Variants in AP2A1 observed in about 807,000 individuals in gnomAD.
AP2A1 encodes the protein adaptor related protein complex 2 subunit alpha 1, also known as AP-2 complex subunit alpha-1.
AP2A1 carries 21 observed loss-of-function variants against 107.3 expected under a neutral mutation model. The observed-to-expected ratio is 0.20, with a 90% confidence interval of 0.14 to 0.28. The LOEUF is 0.28. Among genes scored for constraint, AP2A1 ranks in the 10% least tolerant of loss-of-function variants. AP2A1 has a pLI of 1.00. For synonymous variants in AP2A1, 602 were observed against 564.8 expected (o/e 1.07, Z -0.93); for missense variants, 873 against 1,307.7 (o/e 0.67, Z 5.13).
At chr19:49,800,239 G>A (rs1012564038) in intron 11 of AP2A1, 89 bp downstream of exon 11, 15 of 1,419,764 alleles carry the variant, frequency 1.1e-5, no homozygotes, top group South Asian at 6.7e-5. Flanking sequence ...CTGCCAGCCC[G>A]CAGCCACCCT....
At chr19:49,792,683 A>G (rs1478274164) in intron 5 of AP2A1, among the ~76,000 whole-genome samples, 2 of 152,110 alleles carry the variant, frequency 1.3e-5, no homozygotes, top group East Asian at 3.9e-4. Flanking sequence ...GCACCAGCGC[A>G]GAAACCTTGA....
At chr19:49,772,367 G>A (rs1210824970) in intron 1 of AP2A1, among the ~76,000 whole-genome samples, 1 of 148,564 alleles carries the variant, frequency 6.7e-6, no homozygotes, top group Non-Finnish European at 1.5e-5. Flanking sequence ...TCACGGAGAT[G>A]GGTTTTTATT....
intron 5 of AP2A1, 67 bp downstream of exon 5, chr19:49,792,131 GCCCGGGGCT>G: frequency 2.7e-6 from 4 of 1,466,516 alleles, no homozygotes; most frequent in Non-Finnish European, 3.7e-6. Flanking sequence ...CCCCCTGGAT[GCCCGGGGCT>G]CCCACCTCAG....
At chr19:49,786,003 C>T (rs2084732720) in intron 4 of AP2A1, among the ~76,000 whole-genome samples, 3 of 152,014 alleles carry the variant, frequency 2.0e-5, no homozygotes, top group Non-Finnish European at 4.4e-5. Context: ...TCGCATAAAC[C>T]CGGGGGGCAG....
chr19:49,774,246 G>C (rs1175926294), intron 1 of AP2A1, among the ~76,000 whole-genome samples: 2 of 152,180 alleles, frequency 1.3e-5, no homozygotes. Flanking sequence ...AGGCTGCCCT[G>C]GGCCCTGGGA....
intron 1 of AP2A1, among the ~76,000 whole-genome samples, chr19:49,775,550 A>C (rs2049913462): frequency 2.0e-5 from 3 of 152,138 alleles, no homozygotes; most frequent in Non-Finnish European, 4.4e-5. Context: ...CCTGACCTCA[A>C]GTGATCCACC....
intron 1 of AP2A1, among the ~76,000 whole-genome samples, chr19:49,768,539 G>A (rs535666983): frequency 6.6e-6 from 1 of 152,238 alleles, no homozygotes; most frequent in Admixed American, 6.5e-5. Context: ...TACTCCGTTG[G>A]CTCTGAACAG....
intron 1 of AP2A1, among the ~76,000 whole-genome samples, chr19:49,769,532 G>T (rs2084536287): frequency 6.6e-6 from 1 of 152,112 alleles, no homozygotes; most frequent in African/African-American, 2.4e-5. Flanking sequence ...TGAGGTTGCG[G>T]CATGCTTGAC....
At chr19:49,802,430 C>A in intron 15 of AP2A1, 1 of 1,147,632 alleles carries the variant, frequency 8.7e-7, no homozygotes, top group East Asian at 2.5e-5. Context: ...TTCCCTCTTC[C>A]GTCCCTCCCT....
At chr19:49,771,951 C>T (rs1408150630) in intron 1 of AP2A1, among the ~76,000 whole-genome samples, 1 of 152,094 alleles carries the variant, frequency 6.6e-6, no homozygotes, top group African/African-American at 2.4e-5. Flanking sequence ...GACTTCCGGA[C>T]GCCATGGCGG....
At chr19:49,777,226 C>T (rs1332697518) in intron 1 of AP2A1, among the ~76,000 whole-genome samples, 1 of 151,492 alleles carries the variant, frequency 6.6e-6, no homozygotes, top group Non-Finnish European at 1.5e-5. Flanking sequence ...CAGAGCGAGA[C>T]TCTGTCTCAA....
chr19:49,767,196 G>C lies in AP2A1; in HGVS notation c.63G>C (p.Arg21=), dbSNP rs1285665975. 5.0e-6 allele frequency: 8 copies of C among 1,611,876 alleles called. No individual in the cohort carries two copies. Among genetic ancestry groups the C allele is most frequent in the Non-Finnish European group, 6.8e-6 (8 of 1,179,746 alleles). ...TCGCGGTGTTCATCTCCGACATCCGGAACTGTGAGCGCGCGGCCGGGGGAC... is the reference window on the plus strand; with the variant it reads ...TCGCGGTGTTCATCTCCGACATCCGCAACTGTGAGCGCGCGGCCGGGGGAC... ...RGLAVFISDI[R]NCKSKEAEIK... is the part of the protein sequence containing the mutation. Residue 21 remains arginine (R), a synonymous_variant, in exon 1 of 23, where the codon CGG becomes CGC. Coordinates refer to ENST00000354293, the MANE Select transcript of AP2A1 (RefSeq NM_130787.3).
intron 5 of AP2A1, 107 bp downstream of exon 5, chr19:49,792,171 C>G: frequency 3.2e-6 from 4 of 1,255,900 alleles, no homozygotes; most frequent in Non-Finnish European, 4.4e-6. Context: ...CCCGGATACC[C>G]AGGGCTCCCA....
chr19:49,778,452 G>A lies in AP2A1; in HGVS notation c.68-3305G>A, dbSNP rs575320610. ...ACACTAATTAGCTGGGTGTGGTGAC[G>A]CATGCCTGTCATCCCAGCTACTCAG... On this transcript the variant is annotated intron_variant, in intron 1 of 22. Transcript: ENST00000354293. Among the ~76,000 whole-genome samples the A allele has an allele frequency of 9.2e-5, 14 of 152,294 alleles. 1 individual carries two copies. The South Asian group carries it at 2.9e-3, about 32-fold the overall frequency.
intron 4 of AP2A1, among the ~76,000 whole-genome samples, chr19:49,787,331 TTTGTTTGTTTTTTTTGTTTTTTG>T (rs1245889450): frequency 5.8e-5 from 7 of 120,534 alleles, no homozygotes; most frequent in African/African-American, 2.2e-4. Context: ...CTAGGCTTTT[TTTGTTTGTTTTTTTTGTTTTTTG>T]TTTTTTTTTT....
At chr19:49,795,597 G>GC (rs2073202497) in intron 6 of AP2A1, 33 bp from the exon 7 acceptor site, 17 of 336,902 alleles carry the variant, frequency 5.0e-5, no homozygotes, top group East Asian at 3.2e-4. Context: ...TCCCACCCCA[G>GC]CCCCCAACTT....
intron 1 of AP2A1, among the ~76,000 whole-genome samples, chr19:49,774,705 G>A (rs933865395): frequency 8.1e-5 from 12 of 148,318 alleles, no homozygotes; most frequent in South Asian, 2.2e-4. Context: ...GGCGGATCAC[G>A]AGGTCAGGAG....
intron 4 of AP2A1, among the ~76,000 whole-genome samples, chr19:49,787,497 G>T (rs1257081206): frequency 6.7e-6 from 1 of 149,894 alleles, no homozygotes; most frequent in Non-Finnish European, 1.5e-5. Flanking sequence ...ACAGGTGTGT[G>T]CCACCACACC....
intron 1 of AP2A1, among the ~76,000 whole-genome samples, chr19:49,771,283 C>T (rs1600212843): frequency 8.3e-6 from 1 of 121,062 alleles, no homozygotes. Context: ...GCCCGGGCCA[C>T]ATAGTGAAAC....
Sources: gnomAD v4.1 joint callset for allele counts (sites outside exome capture counted in the v4.1 genomes callset) on GRCh38, gnomAD v4.1.1 for gene constraint, MANE v1.5 for transcripts, NCBI Gene and HGNC (gene_info 2026-07-23, HGNC 2026-07-21) for gene names.